KLHL18: variants seen among roughly 807,000 people sequenced by gnomAD.
KLHL18 encodes kelch-like protein 18.
In KLHL18, 38 loss-of-function variants were observed where a neutral mutation model predicts 58.5. The observed-to-expected ratio is 0.65, with a 90% CI of 0.50 to 0.85. The LOEUF (loss-of-function observed/expected upper bound fraction) is 0.85, where lower values mean the gene tolerates loss of function less well. KLHL18 is among the 40% of genes least tolerant of loss of function. The pLI is 0.00. For missense variants in KLHL18, 624 were observed against 778.4 expected (o/e 0.80, Z 2.36); for synonymous variants, 303 against 301.9 (o/e 1.00, Z -0.04).
At chr3:47,328,119 C>G (rs1471005249) in intron 3 of KLHL18, among the ~76,000 whole-genome samples, 6 of 152,048 alleles carry the variant, frequency 3.9e-5, no homozygotes, top group African/African-American at 1.4e-4. Context: ...AATCCCAGCA[C>G]TTTGGGAGGC....
At chr3:47,312,087 C>T (rs1703315024) in intron 1 of KLHL18, among the ~76,000 whole-genome samples, 1 of 152,156 alleles carries the variant, frequency 6.6e-6, no homozygotes, top group Admixed American at 6.5e-5. Context: ...TAGGAAGTCC[C>T]ATGATTGCCC....
At chr3:47,329,632 G>A (rs1291144922) in intron 3 of KLHL18, among the ~76,000 whole-genome samples, 3 of 152,188 alleles carry the variant, frequency 2.0e-5, no homozygotes, top group Admixed American at 2.0e-4. Flanking sequence ...GTGGTGGAAC[G>A]TCTCAAACAG....
chr3:47,306,783 A>T (rs1185483606), intron 1 of KLHL18, among the ~76,000 whole-genome samples: 2 of 152,194 alleles, frequency 1.3e-5, no homozygotes, highest in African/African-American at 4.8e-5. Context: ...GTCCATCCAC[A>T]TCATCATCAG....
At chr3:47,326,231 A>G (rs1364137175) in intron 3 of KLHL18, among the ~76,000 whole-genome samples, 1 of 152,112 alleles carries the variant, frequency 6.6e-6, no homozygotes, top group African/African-American at 2.4e-5. Context: ...TACAGGTGTG[A>G]GTCACCACAC....
intron 3 of KLHL18, among the ~76,000 whole-genome samples, chr3:47,327,923 C>T (rs2107643156): frequency 6.6e-6 from 1 of 152,324 alleles, no homozygotes; most frequent in East Asian, 1.9e-4. Flanking sequence ...TGAAGAAAAG[C>T]ATGCCCGGCC....
chr3:47,298,713 GC>G (rs1250158074), intron 1 of KLHL18, among the ~76,000 whole-genome samples: 2 of 152,078 alleles, frequency 1.3e-5, no homozygotes, highest in Non-Finnish European at 2.9e-5. Flanking sequence ...GTCACATCCA[GC>G]CCCCTCCCAC....
intron 7 of KLHL18, chr3:47,337,248 C>T (rs991511979): frequency 1.8e-5 from 3 of 171,314 alleles, no homozygotes; most frequent in Admixed American, 1.6e-4. Flanking sequence ...CGAACCAAAG[C>T]AATGTTCTTT....
In KLHL18 at chr3:47,308,413, CAG is replaced by C. The variant is rs534101541; in HGVS notation, c.130-11237_130-11236del. On this transcript the variant is annotated intron_variant, in intron 1 of 9. Transcript: ENST00000232766. ...GTTTTTCTTTTCTTTTCTTTTGAGA[CAG>C]AGTCTTGTTCTGTCCCCCAGGCTGG... Among the ~76,000 whole-genome samples the C allele has an allele frequency of 4.1e-3, 627 of 152,232 alleles. 2 individuals are homozygous for C. Among genetic ancestry groups the C allele is most frequent in the African/African-American group, 0.015 (604 of 41,556 alleles).
intron 1 of KLHL18, among the ~76,000 whole-genome samples, chr3:47,296,077 T>G (rs1702890734): frequency 6.6e-6 from 1 of 152,162 alleles, no homozygotes; most frequent in Admixed American, 6.5e-5. Flanking sequence ...ATCACCTGGG[T>G]GGGGGCCTGT....
intron 7 of KLHL18, among the ~76,000 whole-genome samples, chr3:47,339,368 T>C (rs6768809): frequency 0.071 from 10,715 of 151,858 alleles, 1,268 homozygotes; most frequent in African/African-American, 0.24. Context: ...GCCATGTGCC[T>C]GTAGTCCCAG....
At chr3:47,296,611 A>C (rs537725210) in intron 1 of KLHL18, among the ~76,000 whole-genome samples, 309 of 152,318 alleles carry the variant, frequency 2.0e-3, no homozygotes, top group Non-Finnish European at 3.8e-3. Context: ...AGTAGCTGAT[A>C]TTTACAGTTC....
At position 47,344,860 on chromosome 3, in the gene KLHL18, T is replaced by C. The variant is rs368368939; in HGVS notation, c.*919T>C. 1 of 152,642 alleles carries C rather than the reference T, an allele frequency of 6.6e-6. No individual in the cohort carries two copies. Among genetic ancestry groups the C allele is most frequent in the East Asian group, 1.9e-4 (1 of 5,186 alleles). 9.5% of individuals were successfully genotyped at this position (152,642 alleles called of 1,614,324 possible). A position where few individuals can be genotyped will look rare whatever the true frequency, so the allele number is the denominator to read the frequency against. ...CCCAGTGTGTGTGGAATCAGTGCAC[T>C]CTTGACTGGGCCTGTAGTAAGGTGC... is the stretch of plus-strand genomic sequence containing the variant. On this transcript the variant is annotated 3_prime_UTR_variant, in exon 10 of 10. Coordinates refer to ENST00000232766, the MANE Select transcript of KLHL18 (RefSeq NM_025010.5).
At chr3:47,335,260 A>G (rs1703958574) in intron 6 of KLHL18, among the ~76,000 whole-genome samples, 1 of 152,208 alleles carries the variant, frequency 6.6e-6, no homozygotes, top group Non-Finnish European at 1.5e-5. Context: ...ACATTTTGTC[A>G]TATGGATCTC....
chr3:47,321,678 A>G (rs979387743), intron 2 of KLHL18, among the ~76,000 whole-genome samples: 2 of 152,204 alleles, frequency 1.3e-5, no homozygotes, highest in African/African-American at 2.4e-5. Context: ...GTGATTTGGC[A>G]GTCACCAAAT....
In KLHL18 at chr3:47,345,164, C is replaced by T. The variant is rs1394756354; in HGVS notation, c.*1223C>T. 3 of 152,410 alleles carry T rather than the reference C, an allele frequency of 2.0e-5. No homozygotes were observed. The highest frequency in any genetic ancestry group is 4.4e-5 in the Non-Finnish European group (3 of 68,094). The allele number at this position is 152,410 out of a possible 1,614,324, so 9.4% of individuals were successfully genotyped here. A position where few individuals can be genotyped will look rare whatever the true frequency, so the allele number is the denominator to read the frequency against. On this transcript the variant is annotated 3_prime_UTR_variant, in exon 10 of 10. Transcript: ENST00000232766. Reference sequence around the variant, plus strand: ...AATCTCGTTCTTGGATGATTTCCCTCATTGTGATGCTTCTGGGGCACGTTG... The same window carrying T: ...AATCTCGTTCTTGGATGATTTCCCTTATTGTGATGCTTCTGGGGCACGTTG...
chr3:47,299,147 G>A (rs1272239602), intron 1 of KLHL18, among the ~76,000 whole-genome samples: 1 of 152,128 alleles, frequency 6.6e-6, no homozygotes, highest in Admixed American at 6.6e-5. Context: ...ATTCCCATTG[G>A]CATATATAAG....
intron 1 of KLHL18, among the ~76,000 whole-genome samples, chr3:47,312,949 G>T (rs1413490115): frequency 3.1e-5 from 4 of 128,566 alleles, no homozygotes; most frequent in Non-Finnish European, 6.2e-5. Context: ...TCGCTCTGTC[G>T]CCCAGGCTGG....
intron 4 of KLHL18, among the ~76,000 whole-genome samples, chr3:47,331,651 T>C (rs1456163209): frequency 1.3e-5 from 2 of 150,426 alleles, no homozygotes; most frequent in Non-Finnish European, 3.0e-5. Context: ...CAGGCTGTTC[T>C]CGAACTCCTG....
intron 2 of KLHL18, among the ~76,000 whole-genome samples, chr3:47,320,040 T>C (rs569235620): frequency 4.6e-5 from 7 of 152,158 alleles, no homozygotes; most frequent in Admixed American, 3.9e-4. Context: ...CCATGATTTT[T>C]TTTTTTTTTT....
Sources: allele counts gnomAD v4.1 joint callset (sites outside exome capture counted in the v4.1 genomes callset), GRCh38; gene constraint gnomAD v4.1.1; transcripts MANE v1.5; gene names NCBI Gene and HGNC (gene_info 2026-07-23, HGNC 2026-07-21).